The following DCHS2 variants were observed in gnomAD, a reference collection of about 807,000 sequenced individuals.
The protein encoded by DCHS2 is protocadherin-23.
DCHS2 carries 142 observed loss-of-function variants against 182.4 expected under a neutral mutation model. The ratio of observed to expected loss-of-function variants is 0.78; its 90% CI spans 0.68 to 0.89. The LOEUF (loss-of-function observed/expected upper bound fraction) is 0.89, where lower values mean the gene tolerates loss of function less well. DCHS2 is among the 40% of genes least tolerant of loss of function. The pLI is 0.00. For synonymous variants in DCHS2, 1,740 were observed against 1,663.3 expected (o/e 1.05, Z -1.12); for missense variants, 4,319 against 4,198.6 (o/e 1.03, Z -0.79).
At chr4:154,455,906 A>T (rs1734744420) in intron 1 of DCHS2, among the ~76,000 whole-genome samples, 1 of 152,192 alleles carries the variant, frequency 6.6e-6, no homozygotes, top group Admixed American at 6.5e-5. Context: ...CCTGGCCAAC[A>T]TGGTGAAACC....
At chr4:154,419,910 T>C (rs1162523498) in intron 1 of DCHS2, among the ~76,000 whole-genome samples, 3 of 150,866 alleles carry the variant, frequency 2.0e-5, no homozygotes, top group African/African-American at 4.9e-5. Context: ...AGTGGACATA[T>C]ATAGGCAGGG....
chr4:154,398,525 C>T (rs1050770927), intron 1 of DCHS2, among the ~76,000 whole-genome samples: 2 of 152,192 alleles, frequency 1.3e-5, no homozygotes, highest in Non-Finnish European at 2.9e-5. Flanking sequence ...CACCACACCT[C>T]AACACATCAT....
At chr4:154,347,138 A>G (rs896238368) in intron 3 of DCHS2, among the ~76,000 whole-genome samples, 2 of 151,258 alleles carry the variant, frequency 1.3e-5, no homozygotes, top group African/African-American at 4.9e-5. Flanking sequence ...TTGCCTTCAA[A>G]TGCTATGAAT....
chr4:154,453,068 G>A (rs568668916), intron 1 of DCHS2, among the ~76,000 whole-genome samples: 1 of 152,224 alleles, frequency 6.6e-6, no homozygotes, highest in South Asian at 2.1e-4. Context: ...CAGGTCTTGG[G>A]AAAGAGGAGC....
chr4:154,438,608 C>T (rs1733876498), intron 1 of DCHS2, among the ~76,000 whole-genome samples: 1 of 152,084 alleles, frequency 6.6e-6, no homozygotes, highest in African/African-American at 2.4e-5. Context: ...TATATTGAAT[C>T]ATTCAATTCA....
intron 1 of DCHS2, among the ~76,000 whole-genome samples, chr4:154,397,635 TA>T (rs1731991092): frequency 6.6e-6 from 1 of 152,196 alleles, no homozygotes; most frequent in African/African-American, 2.4e-5. Context: ...CCTACTTTTT[TA>T]ACCTGACTGT....
At chr4:154,309,075 T>C (rs965564222) in intron 10 of DCHS2, among the ~76,000 whole-genome samples, 4 of 152,236 alleles carry the variant, frequency 2.6e-5, no homozygotes, top group Non-Finnish European at 4.4e-5. Context: ...GCTCCCTTGC[T>C]ATATTCTTAT....
At chr4:154,466,815 A>T (rs1347829205) in intron 1 of DCHS2, among the ~76,000 whole-genome samples, 2 of 152,244 alleles carry the variant, frequency 1.3e-5, no homozygotes, top group South Asian at 4.1e-4. Flanking sequence ...TTCAAGAAAT[A>T]TAGGTAGTGT....
At chr4:154,321,266 AAC>A (rs773794587) in intron 8 of DCHS2, 44 bp from the exon 9 acceptor site, 19 of 1,438,078 alleles carry the variant, frequency 1.3e-5, no homozygotes, top group Non-Finnish European at 1.6e-5. Flanking sequence ...GTATTTTTAA[AAC>A]AGTTTAATGA....
chr4:154,291,771 GAGAAGA>G (rs61148817), intron 13 of DCHS2, among the ~76,000 whole-genome samples: 3,458 of 152,164 alleles, frequency 0.023, 129 homozygotes, highest in African/African-American at 0.077. Flanking sequence ...TAGAAATACA[GAGAAGA>G]AGGATGGTTA....
rs138701263 is a variant in DCHS2, at chr4:154,236,810, G to A, written c.7842C>T (p.Val2614=). ...FFHSEYPYKQ[V]GYLVLLHSLD... is the part of the protein sequence containing the mutation. ...GACTGTGAAGCAACACAAGATAACCGACTTGCTTATAAGGATATTCTGAAT... is the reference window on the plus strand; with the variant it reads ...GACTGTGAAGCAACACAAGATAACCAACTTGCTTATAAGGATATTCTGAAT... The change falls in exon 20 of 20, where the codon GTC becomes GTT. Residue 2614 remains valine (V), a synonymous_variant. Coordinates refer to ENST00000357232, the MANE Select transcript of DCHS2 (RefSeq NM_001358235.2). 6.1e-5 allele frequency: 98 copies of A among 1,613,980 alleles called. No homozygotes were observed. In the African/African-American group the frequency reaches 1.1e-3, roughly 18 times the overall value.
At position 154,382,488 on chromosome 4, in the gene DCHS2, A is replaced by G. The variant is rs571917723; in HGVS notation, c.2053-5044T>C. Among the ~76,000 whole-genome samples, 147 of 152,258 alleles carry G rather than the reference A, an allele frequency of 9.7e-4. 1 individual carries two copies. Among genetic ancestry groups the G allele is most frequent in the Non-Finnish European group, 1.8e-3 (124 of 68,010 alleles). On this transcript the variant is annotated intron_variant, in intron 1 of 19. Coordinates refer to ENST00000357232, the MANE Select transcript of DCHS2 (RefSeq NM_001358235.2). ...GCAATTGCAACCAAAACAAAAATTGACAAGTGGAATCGAATTAAACTAAAG... is the reference window on the plus strand; with the variant it reads ...GCAATTGCAACCAAAACAAAAATTGGCAAGTGGAATCGAATTAAACTAAAG...
chr4:154,397,938 C>G (rs901335265), intron 1 of DCHS2, among the ~76,000 whole-genome samples: 2 of 151,968 alleles, frequency 1.3e-5, no homozygotes, highest in African/African-American at 4.8e-5. Flanking sequence ...TAGAGTAAAC[C>G]TACAAAGAAG....
At chr4:154,486,717 T>A (rs1268449643) in intron 1 of DCHS2, among the ~76,000 whole-genome samples, 2 of 152,150 alleles carry the variant, frequency 1.3e-5, no homozygotes, top group African/African-American at 4.8e-5. Flanking sequence ...TCTTTGAATC[T>A]CATATGGAAA....
chr4:154,332,906 G>C lies in DCHS2; in HGVS notation c.3302C>G (p.Thr1101Arg), dbSNP rs368512338. The C allele has an allele frequency of 4.5e-5, 72 of 1,614,114 alleles. No homozygotes were observed. The highest frequency in any genetic ancestry group is 5.5e-5 in the Non-Finnish European group (65 of 1,180,050). Residue 1101 changes from threonine to arginine, a missense_variant, in exon 5 of 20, where the codon ACA (threonine) becomes AGA (arginine). Transcript: ENST00000357232. ...VEVSESLSPM[T>R]QMLQTQAHPL... Reference sequence around the variant, plus strand: ...GTGCGCCTGTGTTTGCAGCATTTGTGTCATCGGTGAGAGAGACTCACTGAC... The same window carrying C: ...GTGCGCCTGTGTTTGCAGCATTTGTCTCATCGGTGAGAGAGACTCACTGAC...
intron 7 of DCHS2, among the ~76,000 whole-genome samples, chr4:154,326,919 A>C (rs1204305412): frequency 6.6e-6 from 1 of 152,182 alleles, no homozygotes; most frequent in African/African-American, 2.4e-5. Context: ...TCAAAGCCTC[A>C]TTGAACATTT....
intron 1 of DCHS2, among the ~76,000 whole-genome samples, chr4:154,465,127 G>A (rs1446289230): frequency 6.6e-6 from 1 of 152,134 alleles, no homozygotes; most frequent in Non-Finnish European, 1.5e-5. Flanking sequence ...AGGAATCTAC[G>A]AGTAGCTTAG....
intron 3 of DCHS2, among the ~76,000 whole-genome samples, chr4:154,343,100 T>G (rs1206569110): frequency 6.6e-6 from 1 of 152,172 alleles, no homozygotes; most frequent in Non-Finnish European, 1.5e-5. Context: ...TTTGAAAGAA[T>G]TTTTTGTGAA....
intron 1 of DCHS2, among the ~76,000 whole-genome samples, chr4:154,405,761 C>T (rs1732374593): frequency 1.3e-5 from 2 of 152,238 alleles, no homozygotes; most frequent in East Asian, 3.9e-4. Flanking sequence ...TTTAAAAGTC[C>T]TTGTCTGCTA....
Sources: allele counts gnomAD v4.1 joint callset (sites outside exome capture counted in the v4.1 genomes callset), GRCh38; gene constraint gnomAD v4.1.1; transcripts MANE v1.5; gene names NCBI Gene and HGNC (gene_info 2026-07-23, HGNC 2026-07-21).